Variants in DMXL2 observed in about 807,000 individuals in gnomAD.
DMXL2 encodes Dmx like 2.
Under a neutral mutation model 331.1 loss-of-function variants are expected in DMXL2, and 103 were observed. That is an observed-to-expected ratio of 0.31 (90% CI 0.27 to 0.37). DMXL2 has a LOEUF of 0.37. Among genes scored for constraint, DMXL2 ranks in the 10% least tolerant of loss-of-function variants. DMXL2 has a pLI of 1.00. For missense variants in DMXL2, 3,171 were observed against 3,642.9 expected, an observed-to-expected ratio of 0.87 and a Z score of 3.33; for synonymous variants, 1,281 against 1,252.1, an observed-to-expected ratio of 1.02 and a Z score of -0.49.
Position 51,536,654 on chromosome 15 carries a change from G to A in DMXL2, c.1826C>T (p.Thr609Ile). 1 of 1,614,164 alleles carries A rather than the reference G, an allele frequency of 6.2e-7. No homozygotes were observed. Among genetic ancestry groups the A allele is most frequent in the Non-Finnish European group, 8.5e-7 (1 of 1,179,986 alleles). The stretch of plus-strand genomic sequence containing the variant: ...TATGTGTTTAGAGATCATCATTACT[G>A]TGGGAGCTAAGATGTTCATATGTGT... ...HSTHMNILAPTVMMISKHIDG... is the reference protein window; with the variant it reads ...HSTHMNILAPIVMMISKHIDG... The change falls in exon 12 of 44, where the codon ACA becomes ATA. Residue 609 changes from threonine to isoleucine, a missense_variant. This residue lies in a region of DMXL2 where 1,674 missense variants were observed against 1,780.2 expected (regional missense o/e 0.94). Coordinates refer to ENST00000560891, the MANE Select transcript of DMXL2 (RefSeq NM_001378457.1).
Position 51,488,131 on chromosome 15 carries a change from GCATAAA to G in DMXL2, c.5052-18_5052-13del, listed in dbSNP as rs1417535641. The stretch of plus-strand genomic sequence containing the variant: ...CATCATGCTGTGACCTGGGGACCGA[GCATAAA>G]CATAAAGTGGTTAAACCAAATTTAA... On this transcript the variant is annotated splice_polypyrimidine_tract_variant and intron_variant, in intron 21 of 43. Transcript: ENST00000560891. 6.3e-6 allele frequency: 10 copies of G among 1,578,656 alleles called. No individual in the cohort carries two copies. Among genetic ancestry groups the G allele is most frequent in the Non-Finnish European group, 7.7e-6 (9 of 1,165,152 alleles).
At chr15:51,581,181 C>G (rs1218386874) in intron 1 of DMXL2, among the ~76,000 whole-genome samples, 2 of 152,168 alleles carry the variant, frequency 1.3e-5, no homozygotes, top group Non-Finnish European at 2.9e-5. Context: ...CCTGCCAGAT[C>G]AGCGGTGGCA....
intron 1 of DMXL2, among the ~76,000 whole-genome samples, chr15:51,580,518 G>C (rs1381898329): frequency 6.6e-6 from 1 of 152,136 alleles, no homozygotes; most frequent in Non-Finnish European, 1.5e-5. Flanking sequence ...ATTCTTTGTA[G>C]AGCTGACCTG....
chr15:51,547,071 CA>C (rs1278583369), intron 7 of DMXL2, among the ~76,000 whole-genome samples, 158 bp downstream of exon 7: 3 of 152,076 alleles, frequency 2.0e-5, no homozygotes, highest in African/African-American at 7.2e-5. Flanking sequence ...GAAATTTAGT[CA>C]AAAACTCATG....
At chr15:51,540,015 T>C (rs1033218877) in intron 9 of DMXL2, among the ~76,000 whole-genome samples, 1 of 152,226 alleles carries the variant, frequency 6.6e-6, no homozygotes, top group Non-Finnish European at 1.5e-5. Context: ...GGTTTTGTGA[T>C]AAAAATGAAA....
chr15:51,581,716 A>T (rs898216764), intron 1 of DMXL2, among the ~76,000 whole-genome samples: 1 of 152,200 alleles, frequency 6.6e-6, no homozygotes, highest in African/African-American at 2.4e-5. Flanking sequence ...GAAAACTTTT[A>T]AAAAGCTTAA....
At chr15:51,573,238 CT>C (rs748310818) in intron 2 of DMXL2, among the ~76,000 whole-genome samples, 19 of 152,356 alleles carry the variant, frequency 1.2e-4, no homozygotes, top group Non-Finnish European at 2.5e-4. Flanking sequence ...CGCTTTTACA[CT>C]GTTGGTGGGA....
intron 17 of DMXL2, among the ~76,000 whole-genome samples, chr15:51,501,377 T>G (rs1297200606): frequency 6.6e-6 from 1 of 152,210 alleles, no homozygotes; most frequent in Non-Finnish European, 1.5e-5. Flanking sequence ...GCCCTCAAAA[T>G]ATCTACCTTG....
At chr15:51,599,465 G>A (rs2053073198) in intron 1 of DMXL2, among the ~76,000 whole-genome samples, 1 of 152,110 alleles carries the variant, frequency 6.6e-6, no homozygotes, top group Non-Finnish European at 1.5e-5. Flanking sequence ...TCCACTGAAA[G>A]GGCTTAGGAT....
intron 1 of DMXL2, among the ~76,000 whole-genome samples, chr15:51,596,394 T>C (rs1421080240): frequency 6.6e-6 from 1 of 152,146 alleles, no homozygotes; most frequent in South Asian, 2.1e-4. Context: ...CCAGTTAGAA[T>C]GGCGATCATT....
At chr15:51,608,189 A>T (rs1277587920) in intron 1 of DMXL2, among the ~76,000 whole-genome samples, 1 of 151,914 alleles carries the variant, frequency 6.6e-6, no homozygotes, top group Non-Finnish European at 1.5e-5. Context: ...AGTCTCAAAA[A>T]AAAAAGAATG....
At chr15:51,618,608 A>T (rs541621010) in intron 1 of DMXL2, among the ~76,000 whole-genome samples, 3 of 152,330 alleles carry the variant, frequency 2.0e-5, no homozygotes, top group South Asian at 4.1e-4. Flanking sequence ...GAAAAGCTAC[A>T]GGTAATGTTT....
chr15:51,450,100 G>C (rs752604740), intron 43 of DMXL2, 29 bp downstream of exon 43: 4 of 1,596,540 alleles, frequency 2.5e-6, no homozygotes, highest in Non-Finnish European at 3.4e-6. Context: ...TCAGTCTTTA[G>C]CACATTCCAA....
rs764725062 is a variant in DMXL2 at position 51,464,837 on chromosome 15, T to G, written c.7646A>C (p.Lys2549Thr). The change falls in exon 32 of 44, where the codon AAA becomes ACA. Residue 2549 changes from lysine to threonine, a missense_variant. Physicochemically the swap from Lys to Thr is moderately conservative, Grantham distance 78 (BLOSUM62 -1). Transcript: ENST00000560891. ...GATCTGTTCCCAGTTCTCCAAGTTT[T>G]TAATCACAGCAATACCTAATGGTGA... ...VTSPLGIAVI[K>T]NLENWEQILQ... The G allele has an allele frequency of 6.2e-6, 10 of 1,614,164 alleles. No homozygotes were observed. In the South Asian group the frequency reaches 1.1e-4, roughly 18 times the overall value.
In DMXL2 at chr15:51,536,678, G is replaced by T. The variant is rs143421889; in HGVS notation, c.1802C>A (p.Thr601Lys). ...TGTGGGAGCTAAGATGTTCATATGT[G>T]TACTGTGGGATCTAGAGTGTGGCTG... Reference protein sequence around the residue: ...GSQPHSRSHSTHMNILAPTVM... With the variant: ...GSQPHSRSHSKHMNILAPTVM... Residue 601 changes from threonine (T) to lysine (K), a missense_variant, in exon 12 of 44, where the codon ACA becomes AAA. Coordinates refer to ENST00000560891, the MANE Select transcript of DMXL2 (RefSeq NM_001378457.1). 2.1e-5 allele frequency: 34 copies of T among 1,613,998 alleles called. No homozygotes were observed. Among genetic ancestry groups the T allele is most frequent in the Non-Finnish European group, 2.9e-5 (34 of 1,180,016 alleles).
At chr15:51,461,213 G>C (rs1237085553) in intron 33 of DMXL2, among the ~76,000 whole-genome samples, 1 of 152,144 alleles carries the variant, frequency 6.6e-6, no homozygotes, top group East Asian at 1.9e-4. Flanking sequence ...CCTGTTCATG[G>C]GGACCCACTG....
intron 16 of DMXL2, among the ~76,000 whole-genome samples, chr15:51,505,635 A>T (rs1187172521): frequency 6.6e-6 from 1 of 152,232 alleles, no homozygotes; most frequent in Non-Finnish European, 1.5e-5. Context: ...TGCCTCAAGA[A>T]GATTAGGCTC....
Position 51,596,072 on chromosome 15 carries a change from G to A in DMXL2, c.88-19891C>T, listed in dbSNP as rs547933387. Among the ~76,000 whole-genome samples, 25 of 152,244 alleles carry A rather than the reference G, an allele frequency of 1.6e-4. No homozygotes were observed. The East Asian group carries it at 2.3e-3, about 14-fold the overall frequency. On this transcript the variant is annotated intron_variant, in intron 1 of 43. Transcript: ENST00000560891. ...AACAAAAGCCAAAATTGACAAAAGG[G>A]ATCTAATTAAACTAAAGAGCTTCTG...
chr15:51,503,666 T>C (rs2043843707), intron 16 of DMXL2, among the ~76,000 whole-genome samples: 1 of 152,142 alleles, frequency 6.6e-6, no homozygotes, highest in African/African-American at 2.4e-5. Flanking sequence ...GTAGAATGAC[T>C]ACAGTTAACA....
Sources: gnomAD v4.1 joint callset for allele counts (sites outside exome capture counted in the v4.1 genomes callset) on GRCh38, gnomAD v4.1.1 for gene constraint, gnomAD v4.1.1 regional missense constraint, MANE v1.5 for transcripts, NCBI Gene and HGNC (gene_info 2026-07-23, HGNC 2026-07-21) for gene names.